Variants in OSBP observed in about 807,000 individuals in gnomAD.
The protein encoded by OSBP is oxysterol-binding protein 1.
In OSBP, 32 loss-of-function variants were observed where a neutral mutation model predicts 96.6. The observed-to-expected ratio is 0.33, with a 90% CI of 0.25 to 0.45. OSBP has a LOEUF of 0.45. OSBP is among the 20% of genes least tolerant of loss of function. OSBP has a pLI of 1.00. For synonymous variants in OSBP, 369 were observed against 389.6 expected, an observed-to-expected ratio of 0.95 and a Z score of 0.62; for missense variants, 653 against 1,029.7, an observed-to-expected ratio of 0.63 and a Z score of 5.01.
chr11:59,614,525 A>G (rs1860896658), intron 1 of OSBP, among the ~76,000 whole-genome samples: 1 of 152,234 alleles, frequency 6.6e-6, no homozygotes, highest in Admixed American at 6.5e-5. Flanking sequence ...ACAGTCCAAA[A>G]TAAACCTTGT....
chr11:59,615,621 G>A lies in OSBP; in HGVS notation c.44C>T (p.Ala15Val). Reference sequence around the variant, plus strand: ...GCCGCCGCCAAGTGCTGCAATGGCTGCCGGGCCTGGCCCCACCACTCCTCT... The same window carrying A: ...GCCGCCGCCAAGTGCTGCAATGGCTACCGGGCCTGGCCCCACCACTCCTCT... ...ELRGVVGPGP[A>V]AIAALGGGGA... Residue 15 changes from alanine (A) to valine (V), a missense_variant, in exon 1 of 14, where the codon GCA becomes GTA. Physicochemically the swap from Ala to Val is moderately conservative, Grantham distance 64. Transcript: ENST00000263847. 2 of 1,377,900 alleles carry A rather than the reference G, an allele frequency of 1.5e-6. No individual in the cohort carries two copies. The highest frequency in any genetic ancestry group is 1.9e-6 in the Non-Finnish European group (2 of 1,064,214). The allele number at this position is 1,377,900 out of a possible 1,614,324, so 85.4% of individuals were successfully genotyped here.
chr11:59,580,043 G>C, intron 11 of OSBP, 131 bp downstream of exon 11: 1 of 709,550 alleles, frequency 1.4e-6, no homozygotes, highest in Non-Finnish European at 2.5e-6. Context: ...ATCACTATAT[G>C]TACACATACA....
chr11:59,593,877 G>A (rs1860616325), intron 8 of OSBP, 133 bp downstream of exon 8: 2 of 1,424,304 alleles, frequency 1.4e-6, no homozygotes, highest in South Asian at 1.4e-5. Flanking sequence ...CAACGCTGAC[G>A]TTCTGAAGAA....
intron 9 of OSBP, among the ~76,000 whole-genome samples, chr11:59,586,192 GA>G (rs770834156): frequency 0.04 from 5,309 of 132,574 alleles, 121 homozygotes; most frequent in Non-Finnish European, 0.047. Context: ...AAAAAAAAAA[GA>G]AAAAAAAAAG....
In OSBP at chr11:59,585,435, C is replaced by T. The variant is rs1456286544; in HGVS notation, c.1679-3881G>A. Among the ~76,000 whole-genome samples, 903 of 148,224 alleles carry T rather than the reference C, an allele frequency of 6.1e-3. 9 individuals carry two copies. Among genetic ancestry groups the T allele is most frequent in the African/African-American group, 0.021 (851 of 39,872 alleles). Reference sequence around the variant, plus strand: ...CTGAGAAGTGAGGAGCCCCTCCGCCCGGCAGCCGCCCCGTCTGAGAAGTGA... The same window carrying T: ...CTGAGAAGTGAGGAGCCCCTCCGCCTGGCAGCCGCCCCGTCTGAGAAGTGA... On this transcript the variant is annotated intron_variant, in intron 9 of 13. Transcript: ENST00000263847.
intron 9 of OSBP, among the ~76,000 whole-genome samples, chr11:59,591,038 G>C (rs1482225368): frequency 6.6e-6 from 1 of 152,168 alleles, no homozygotes; most frequent in Non-Finnish European, 1.5e-5. Context: ...CAGTTAAGCA[G>C]GTGATATGTG....
intron 1 of OSBP, among the ~76,000 whole-genome samples, chr11:59,611,150 A>AAAAAAAG (rs1554981341): frequency 6.6e-6 from 1 of 150,608 alleles, no homozygotes; most frequent in African/African-American, 2.5e-5. Context: ...AAAAAAAAAA[A>AAAAAAAG]AAAGAAAGAA....
chr11:59,582,986 T>C (rs1252713117), intron 9 of OSBP, among the ~76,000 whole-genome samples: 2 of 152,066 alleles, frequency 1.3e-5, no homozygotes, highest in Non-Finnish European at 2.9e-5. Context: ...TTCAAAATAA[T>C]CAAACATTTT....
Position 59,576,590 on chromosome 11 carries a change from G to A in OSBP, c.2411C>T (p.Pro804Leu), listed in dbSNP as rs61755077. 35 of 1,612,854 alleles carry A rather than the reference G, an allele frequency of 2.2e-5. No homozygotes were observed. Among genetic ancestry groups the A allele is most frequent in the Non-Finnish European group, 1.8e-5 (21 of 1,179,762 alleles). Residue 804 changes from proline to leucine, a missense_variant, in exon 14 of 14, where the codon CCG becomes CTG. By Grantham distance (98) the Pro-to-Leu change is moderately conservative. This residue lies in a region of OSBP where 169 missense variants were observed against 251.5 expected (regional missense o/e 0.67). Coordinates refer to ENST00000263847, the MANE Select transcript of OSBP (RefSeq NM_002556.3). Reference protein sequence around the residue: ...CKEKQDWSSCPDIF With the variant: ...CKEKQDWSSCLDIF ...GTTACTGCCGTTTCAGAAAATGTCC[G>A]GGCATGAGCTCCAGTCCTGTTTTTC... is the stretch of plus-strand genomic sequence containing the variant.
In OSBP at chr11:59,600,517, T is replaced by C. The variant is rs775805370; in HGVS notation, c.1290A>G (p.Glu430=). Residue 430 remains glutamate (E), a synonymous_variant, in exon 7 of 14, where the codon GAA becomes GAG. Coordinates refer to ENST00000263847, the MANE Select transcript of OSBP (RefSeq NM_002556.3). The part of the protein sequence containing the change: ...WSIMKNCIGK[E]LSKIPMPVNF... ...TTACCGGCATGGGGATCTTAGAGAG[T>C]TCTTTTCCAATGCAGTTCTTCATGA... 1 of 1,613,876 alleles carries C rather than the reference T, an allele frequency of 6.2e-7. No individual in the cohort carries two copies. The highest frequency in any genetic ancestry group is 1.1e-5 in the South Asian group (1 of 91,052).
At chr11:59,607,967 C>T (rs1414036938) in intron 3 of OSBP, among the ~76,000 whole-genome samples, 1 of 152,178 alleles carries the variant, frequency 6.6e-6, no homozygotes, top group African/African-American at 2.4e-5. Context: ...ATAAGGTTCT[C>T]ACTAGTACCT....
chr11:59,613,861 C>G (rs768210114), intron 1 of OSBP, among the ~76,000 whole-genome samples: 2 of 152,136 alleles, frequency 1.3e-5, no homozygotes, highest in Admixed American at 6.5e-5. Context: ...CCTCCAACTC[C>G]CACCTTCAAT....
At chr11:59,597,300 C>T (rs937888648) in intron 7 of OSBP, among the ~76,000 whole-genome samples, 1 of 152,138 alleles carries the variant, frequency 6.6e-6, no homozygotes, top group Non-Finnish European at 1.5e-5. Context: ...CTGCCTCAGC[C>T]TCCCAAAGTG....
chr11:59,615,582 G>A lies in OSBP; in HGVS notation c.83C>T (p.Pro28Leu). 8.7e-6 allele frequency: 12 copies of A among 1,374,916 alleles called. No individual in the cohort carries two copies. Among genetic ancestry groups the A allele is most frequent in the Non-Finnish European group, 1.1e-5 (12 of 1,059,874 alleles). 85.2% of individuals were successfully genotyped at this position (1,374,916 alleles called of 1,614,324 possible). A position where few individuals can be genotyped will look rare whatever the true frequency, so the allele number is the denominator to read the frequency against. The change falls in exon 1 of 14, where the codon CCA becomes CTA. Residue 28 changes from proline (P) to leucine (L), a missense_variant. Transcript: ENST00000263847. Reference sequence around the variant, plus strand: ...GCGGCCGCCGCCTCCTCCCACCACTGGGGGACCGGCGCCGCCGCCGCCAAG... The same window carrying A: ...GCGGCCGCCGCCTCCTCCCACCACTAGGGGACCGGCGCCGCCGCCGCCAAG... The part of the protein sequence containing the change: ...AALGGGGAGP[P>L]VVGGGGGRGD...
At chr11:59,578,121 T>C (rs1860380742) in intron 12 of OSBP, 28 bp downstream of exon 12, 1 of 1,607,334 alleles carries the variant, frequency 6.2e-7, no homozygotes, top group Non-Finnish European at 8.5e-7. Context: ...CAAAGTGGTA[T>C]CTGGGCAGCA....
intron 3 of OSBP, among the ~76,000 whole-genome samples, chr11:59,603,917 T>A (rs1405511507): frequency 2.6e-5 from 4 of 152,188 alleles, no homozygotes; most frequent in African/African-American, 4.8e-5. Flanking sequence ...TTAAGGGGCA[T>A]CCTTCTCTTA....
At chr11:59,585,366 C>T (rs1222296035) in intron 9 of OSBP, among the ~76,000 whole-genome samples, 2 of 84,284 alleles carry the variant, frequency 2.4e-5, no homozygotes, top group Non-Finnish European at 5.0e-5. Context: ...TGCCCGGCCG[C>T]CCCGTCTGAG....
intron 9 of OSBP, among the ~76,000 whole-genome samples, chr11:59,587,501 CAA>C (rs745655455): frequency 1.3e-4 from 15 of 111,328 alleles, no homozygotes; most frequent in Admixed American, 2.9e-4. Flanking sequence ...GACTCCATGT[CAA>C]AAAAAAAAAA....
At chr11:59,589,083 A>G (rs1860541108) in intron 9 of OSBP, among the ~76,000 whole-genome samples, 1 of 152,062 alleles carries the variant, frequency 6.6e-6, no homozygotes, top group Non-Finnish European at 1.5e-5. Context: ...AATAAGTCAT[A>G]GAGGCCAGAA....
Sources: gnomAD v4.1 joint callset for allele counts (sites outside exome capture counted in the v4.1 genomes callset) on GRCh38, gnomAD v4.1.1 for gene constraint, gnomAD v4.1.1 regional missense constraint, MANE v1.5 for transcripts, NCBI Gene and HGNC (gene_info 2026-07-23, HGNC 2026-07-21) for gene names.